The following COX15 variants were observed in gnomAD, a reference collection of about 807,000 sequenced individuals.
COX15 encodes cytochrome c oxidase assembly factor COX15.
COX15 carries 51 observed loss-of-function variants against 51.9 expected under a neutral mutation model. The ratio of observed to expected loss-of-function variants is 0.98; its 90% CI spans 0.78 to 1.24. COX15 has a LOEUF of 1.24. Among genes scored for constraint, COX15 ranks in the 50% most tolerant of loss-of-function variants. The pLI is 0.00. For missense variants in COX15, 420 were observed against 501.1 expected, an observed-to-expected ratio of 0.84 and a Z score of 1.55; for synonymous variants, 188 against 190.5, an observed-to-expected ratio of 0.99 and a Z score of 0.11.
intron 1 of COX15, 21 bp downstream of exon 1, chr10:99,731,939 G>A (rs761321281): frequency 1.4e-5 from 23 of 1,600,036 alleles, no homozygotes; most frequent in Non-Finnish European, 1.8e-5. Context: ...CCGCGACTCG[G>A]AGTCCGCTGC....
chr10:99,711,470 A>T lies in COX15; in HGVS notation c.*3117T>A, dbSNP rs2036383531. On this transcript the variant is annotated 3_prime_UTR_variant, in exon 9 of 9. Transcript: ENST00000016171. ...ATCCTACTAACATACTAATAGGAGCAACATAGCAGATCAAATGATAAGGTG... is the reference window on the plus strand; with the variant it reads ...ATCCTACTAACATACTAATAGGAGCTACATAGCAGATCAAATGATAAGGTG... 3.0e-6 allele frequency: 3 copies of T among 985,202 alleles called. No individual in the cohort carries two copies. In the African/African-American group the frequency reaches 5.2e-5, roughly 17 times the overall value. 61.0% of individuals were successfully genotyped at this position (985,202 alleles called of 1,614,324 possible). A position where few individuals can be genotyped will look rare whatever the true frequency, so the allele number is the denominator to read the frequency against.
At chr10:99,701,666 C>A in the COX15 span, among the ~76,000 whole-genome samples, 80 of 151,938 alleles carry the variant, frequency 5.3e-4, no homozygotes, top group Admixed American at 1.8e-3. Context: ...CAACATAAAC[C>A]CTCATGTAAC....
At chr10:99,706,494 C>T (rs1342888639), downstream of COX15, among the ~76,000 whole-genome samples, 1 of 119,536 alleles carries the variant, frequency 8.4e-6, no homozygotes, top group Non-Finnish European at 1.8e-5. Context: ...CGCCACCACA[C>T]TCAGCTAATT....
Position 99,730,263 on chromosome 10 carries a change from A to G in COX15, c.91-529T>C, listed in dbSNP as rs577594670. 2.0e-5 allele frequency among the ~76,000 whole-genome samples: 3 copies of G among 152,328 alleles called. No individual in the cohort carries two copies. The East Asian group carries it at 5.8e-4, about 29-fold the overall frequency. ...AAATGCATTCTTAAGCAATTTCATCATTGTGTGAACCTCATAGAATGTACT... is the reference window on the plus strand; with the variant it reads ...AAATGCATTCTTAAGCAATTTCATCGTTGTGTGAACCTCATAGAATGTACT... On this transcript the variant is annotated intron_variant, in intron 1 of 8. Transcript: ENST00000016171.
At chr10:99,710,821 A>G (rs1214802954), downstream of COX15, 35 of 985,346 alleles carry the variant, frequency 3.6e-5, no homozygotes, top group Non-Finnish European at 4.1e-5. Context: ...TACAATAGAT[A>G]GTATTTGTCA....
chr10:99,704,375 G>A, the COX15 span: 21 of 1,375,978 alleles, frequency 1.5e-5, no homozygotes, highest in Non-Finnish European at 2.1e-5. Context: ...AACACTACTG[G>A]GCCTTTCAAA....
intron 6 of COX15, among the ~76,000 whole-genome samples, chr10:99,719,395 C>T (rs1258511794): frequency 2.0e-5 from 3 of 151,808 alleles, no homozygotes; most frequent in African/African-American, 4.8e-5. Context: ...GGTTTCACCA[C>T]GTTGACCAGG....
chr10:99,727,702 C>A, intron 2 of COX15, 139 bp from the exon 3 acceptor site: 1 of 1,076,982 alleles, frequency 9.3e-7, no homozygotes, highest in South Asian at 1.3e-5. Context: ...TGAGACATTT[C>A]TCTGTTACTG....
Position 99,729,681 on chromosome 10 carries a change from T to C in COX15, c.144A>G (p.Glu48=). The C allele has an allele frequency of 6.2e-7, 1 of 1,614,142 alleles. No homozygotes were observed. The highest frequency in any genetic ancestry group is 8.5e-7 in the Non-Finnish European group (1 of 1,180,028). The change falls in exon 2 of 9, where the codon GAA becomes GAG. Residue 48 remains glutamate, a synonymous_variant. Coordinates refer to ENST00000016171, the MANE Select transcript of COX15 (RefSeq NM_078470.6). ...TACCCCTTCCAGATTGCAAAGCTAC[T>C]TCAGAGATGGTGCTGTATTGCCCTG... ...LRPGQYSTIS[E]VALQSGRGTV... is the part of the protein sequence containing the mutation.
chr10:99,707,429 A>G (rs1439332322), downstream of COX15, among the ~76,000 whole-genome samples: 3 of 152,248 alleles, frequency 2.0e-5, no homozygotes, highest in Non-Finnish European at 4.4e-5. Context: ...ACTTAAATAT[A>G]TTTCTTCCTT....
At chr10:99,694,629 C>G in the COX15 span, among the ~76,000 whole-genome samples, 1 of 151,860 alleles carries the variant, frequency 6.6e-6, no homozygotes, top group African/African-American at 2.4e-5. Flanking sequence ...CTCTGCCTCC[C>G]AGGTTCAAGC....
chr10:99,711,498 G>T lies in COX15; in HGVS notation c.*3089C>A, dbSNP rs1025239684. 1 of 985,440 alleles carries T rather than the reference G, an allele frequency of 1.0e-6. No homozygotes were observed. The highest frequency in any genetic ancestry group is 1.7e-5 in the African/African-American group (1 of 57,358). 61.0% of individuals were successfully genotyped at this position (985,440 alleles called of 1,614,324 possible). A position where few individuals can be genotyped will look rare whatever the true frequency, so the allele number is the denominator to read the frequency against. On this transcript the variant is annotated 3_prime_UTR_variant, in exon 9 of 9. Transcript: ENST00000016171. ...ATAGCAGATCAAATGATAAGGTGGG[G>T]TGGAAATTAGAAGGGAATGGGAATA... is the stretch of plus-strand genomic sequence containing the variant.
chr10:99,698,767 TC>T, the COX15 span: 1 of 1,614,246 alleles, frequency 6.2e-7, no homozygotes, highest in East Asian at 2.2e-5. Flanking sequence ...AACAGCGAGT[TC>T]TACGGCTTCT....
In COX15 at chr10:99,712,727, A is replaced by C; in HGVS notation, c.*1860T>G. 3 of 548,090 alleles carry C rather than the reference A, an allele frequency of 5.5e-6. No homozygotes were observed. Among genetic ancestry groups the C allele is most frequent in the Non-Finnish European group, 7.0e-6 (3 of 430,560 alleles). The allele number at this position is 548,090 out of a possible 1,614,324, so 34.0% of individuals were successfully genotyped here. On this transcript the variant is annotated 3_prime_UTR_variant, in exon 9 of 9. Transcript: ENST00000016171. Reference sequence around the variant, plus strand: ...TCAGCAGTATAGTCCGAGCTGGGGCACCTGCTCGCCAGTGTTACTGTCTCC... The same window carrying C: ...TCAGCAGTATAGTCCGAGCTGGGGCCCCTGCTCGCCAGTGTTACTGTCTCC...
chr10:99,707,694 G>A (rs1409899878), downstream of COX15, among the ~76,000 whole-genome samples: 4 of 152,308 alleles, frequency 2.6e-5, no homozygotes, highest in South Asian at 4.1e-4. Flanking sequence ...ATAGGAGTCC[G>A]TGGCTTGTAG....
the COX15 span, chr10:99,704,633 C>G: frequency 2.5e-6 from 4 of 1,614,102 alleles, no homozygotes; most frequent in Admixed American, 1.7e-5. Context: ...ATTGGACTTG[C>G]TGTGGCTTGA....
At chr10:99,700,845 C>G in the COX15 span, 1 of 764,502 alleles carries the variant, frequency 1.3e-6, no homozygotes, top group South Asian at 1.6e-5. Context: ...ATGAACACAC[C>G]ATTTCTGTTT....
Position 99,718,435 on chromosome 10 carries a change from A to G in COX15, c.898T>C (p.Trp300Arg), listed in dbSNP as rs751770585. 6.2e-7 allele frequency: 1 copy of G among 1,614,218 alleles called. No homozygotes were observed. The highest frequency in any genetic ancestry group is 1.1e-5 in the South Asian group (1 of 91,086). ...AAGGTAAAGAGGTCCTCCGGGATCCAGGATTCTCCCATTTTGGGAAAGGAG... is the reference window on the plus strand; with the variant it reads ...AAGGTAAAGAGGTCCTCCGGGATCCGGGATTCTCCCATTTTGGGAAAGGAG... ...YNSFPKMGES[W>R]IPEDLFTFSP... Residue 300 changes from tryptophan (W) to arginine (R), a missense_variant, in exon 7 of 9, where the codon TGG becomes CGG. Physicochemically the swap from Trp to Arg is moderately radical, Grantham distance 101 (BLOSUM62 -3). Transcript: ENST00000016171.
At position 99,714,115 on chromosome 10, in the gene COX15, C is replaced by CTTT. The variant is rs765618742; in HGVS notation, c.*469_*471dup. On this transcript the variant is annotated 3_prime_UTR_variant, in exon 9 of 9. Coordinates refer to ENST00000016171, the MANE Select transcript of COX15 (RefSeq NM_078470.6). Reference sequence around the variant, plus strand: ...AAATCAGGATATTAGAAGACATTAGCTTTTTTTTTTTTGCTGAAGACCAGC... The same window carrying CTTT: ...AAATCAGGATATTAGAAGACATTAGCTTTTTTTTTTTTTTTGCTGAAGACCAGC... The CTTT allele has an allele frequency of 1.2e-6, 1 of 820,564 alleles. No individual in the cohort carries two copies. Among genetic ancestry groups the CTTT allele is most frequent in the Admixed American group, 5.6e-5 (1 of 17,842 alleles). The allele number at this position is 820,564 out of a possible 1,614,324, so 50.8% of individuals were successfully genotyped here. A position where few individuals can be genotyped will look rare whatever the true frequency, so the allele number is the denominator to read the frequency against.
Sources: allele counts gnomAD v4.1 joint callset (sites outside exome capture counted in the v4.1 genomes callset), GRCh38; gene constraint gnomAD v4.1.1; transcripts MANE v1.5; gene names NCBI Gene and HGNC (gene_info 2026-07-23, HGNC 2026-07-21).